The following LGSN variants were observed in gnomAD, a reference collection of about 807,000 sequenced individuals.
The protein encoded by LGSN is lengsin.
A neutral mutation model predicts 19.5 loss-of-function variants in LGSN; 21 were observed. The ratio of observed to expected loss-of-function variants is 1.07; its 90% confidence interval spans 0.76 to 1.55. The LOEUF (loss-of-function observed/expected upper bound fraction) is 1.55, where lower values mean the gene tolerates loss of function less well. LGSN is among the 40% of genes most tolerant of loss of function. The probability of loss-of-function intolerance (pLI) is 0.00; values close to 1 mark genes in which losing one functional copy is unlikely to be tolerated. For synonymous variants in LGSN, 257 were observed against 215.6 expected (o/e 1.19, Z -1.68); for missense variants, 673 against 608.5 (o/e 1.11, Z -1.12).
At chr6:63,477,269 C>T in the LGSN span, among the ~76,000 whole-genome samples, 1 of 152,296 alleles carries the variant, frequency 6.6e-6, no homozygotes, top group Middle Eastern at 3.4e-3. Context: ...TGTTCTAGAA[C>T]AGTTAGTTTT....
chr6:63,406,580 G>T, the LGSN span, among the ~76,000 whole-genome samples: 17 of 150,338 alleles, frequency 1.1e-4, no homozygotes, highest in Non-Finnish European at 2.4e-4. Flanking sequence ...AAGCAGGAAA[G>T]ATCCAAAATT....
the LGSN span, among the ~76,000 whole-genome samples, chr6:63,407,055 A>G: frequency 1.8e-4 from 28 of 152,210 alleles, no homozygotes; most frequent in African/African-American, 6.7e-4. Context: ...CCAACCAAAA[A>G]GAGTCCAGGA....
the LGSN span, among the ~76,000 whole-genome samples, chr6:63,390,364 A>C: frequency 6.6e-6 from 1 of 151,300 alleles, no homozygotes; most frequent in African/African-American, 2.4e-5. Context: ...TCCTAACCTC[A>C]GGTGATCCAC....
At chr6:63,564,346 A>G in the LGSN span, among the ~76,000 whole-genome samples, 1 of 152,170 alleles carries the variant, frequency 6.6e-6, no homozygotes, top group Non-Finnish European at 1.5e-5. Context: ...AGTATCTTCC[A>G]GCCATGAATG....
the LGSN span, among the ~76,000 whole-genome samples, chr6:63,390,023 T>G: frequency 6.6e-6 from 1 of 151,276 alleles, no homozygotes; most frequent in African/African-American, 2.4e-5. Flanking sequence ...AGTAGGGAGA[T>G]GTAGAAAATG....
At chr6:63,403,711 C>A in the LGSN span, among the ~76,000 whole-genome samples, 2 of 151,998 alleles carry the variant, frequency 1.3e-5, no homozygotes, top group Non-Finnish European at 1.5e-5. Flanking sequence ...TCTACAATAA[C>A]CTTTACTATT....
chr6:63,483,826 CTTTTT>C, the LGSN span, among the ~76,000 whole-genome samples: 3 of 145,236 alleles, frequency 2.1e-5, no homozygotes, highest in East Asian at 6.0e-4. Flanking sequence ...TTTTTCTTTT[CTTTTT>C]TTTTTAAGAC....
At chr6:63,496,797 C>T in the LGSN span, among the ~76,000 whole-genome samples, 2 of 151,780 alleles carry the variant, frequency 1.3e-5, no homozygotes, top group East Asian at 3.9e-4. Flanking sequence ...CTACTATCAT[C>T]CCTACTTTAT....
At chr6:63,412,464 A>AAG in the LGSN span, among the ~76,000 whole-genome samples, 407 of 128,520 alleles carry the variant, frequency 3.2e-3, 9 homozygotes, top group African/African-American at 0.012. Flanking sequence ...GAAAGAAAGA[A>AAG]AAAGAGAGAG....
At chr6:63,542,421 G>T in the LGSN span, among the ~76,000 whole-genome samples, 165 of 151,008 alleles carry the variant, frequency 1.1e-3, no homozygotes, top group Non-Finnish European at 2.0e-3. Flanking sequence ...AATAACCTAT[G>T]GAAATAAAAA....
the LGSN span, among the ~76,000 whole-genome samples, chr6:63,369,449 A>C: frequency 1.3e-5 from 2 of 152,194 alleles, no homozygotes; most frequent in African/African-American, 4.8e-5. Flanking sequence ...TGACAGGCAA[A>C]GTGGTAGTTT....
chr6:63,557,800 C>G, the LGSN span, among the ~76,000 whole-genome samples: 12 of 151,984 alleles, frequency 7.9e-5, no homozygotes, highest in East Asian at 3.9e-4. Flanking sequence ...AGAGTTTGGA[C>G]TTTATCTAAA....
the LGSN span, among the ~76,000 whole-genome samples, chr6:63,514,517 G>T: frequency 1.3e-5 from 2 of 152,162 alleles, no homozygotes; most frequent in Admixed American, 6.5e-5. Flanking sequence ...ATGAGCCACC[G>T]CACCCAGCCC....
At chr6:63,412,660 G>A in the LGSN span, among the ~76,000 whole-genome samples, 26 of 113,402 alleles carry the variant, frequency 2.3e-4, no homozygotes, top group Middle Eastern at 5.1e-3. Context: ...GGAAGGGAAG[G>A]AAAGGAAGGA....
chr6:63,513,460 T>C, the LGSN span, among the ~76,000 whole-genome samples: 2 of 152,236 alleles, frequency 1.3e-5, no homozygotes, highest in South Asian at 4.2e-4. Flanking sequence ...GGTTACCCAA[T>C]TACAATGTTT....
the LGSN span, among the ~76,000 whole-genome samples, chr6:63,361,515 T>C: frequency 6.6e-6 from 1 of 152,140 alleles, no homozygotes; most frequent in Non-Finnish European, 1.5e-5. Context: ...AAGCGCAGTA[T>C]TAGGGTGGAA....
chr6:63,326,523 G>C, the LGSN span, among the ~76,000 whole-genome samples: 56 of 152,350 alleles, frequency 3.7e-4, no homozygotes, highest in Admixed American at 7.8e-4. Flanking sequence ...GAGGAGGCTT[G>C]GGCCGCACAG....
At chr6:63,391,646 G>T in the LGSN span, among the ~76,000 whole-genome samples, 27 of 152,112 alleles carry the variant, frequency 1.8e-4, no homozygotes, top group Non-Finnish European at 3.4e-4. Context: ...AATTCCCAAG[G>T]GAGATCTGCT....
At chr6:63,354,326 G>A in the LGSN span, among the ~76,000 whole-genome samples, 1,381 of 152,142 alleles carry the variant, frequency 9.1e-3, 21 homozygotes, top group African/African-American at 0.031. Flanking sequence ...TAAAAAGTGG[G>A]CAAGAGGTCT....
Sources: allele counts gnomAD v4.1 joint callset (sites outside exome capture counted in the v4.1 genomes callset), GRCh38; gene constraint gnomAD v4.1.1; transcripts MANE v1.5; gene names NCBI Gene and HGNC (gene_info 2026-07-23, HGNC 2026-07-21).